PDE8B: variants seen among roughly 807,000 people sequenced by gnomAD.
The protein encoded by PDE8B is phosphodiesterase 8B, also known as high affinity cAMP-specific and IBMX-insensitive 3',5'-cyclic phosphodiesterase 8B.
Under a neutral mutation model 101.3 loss-of-function variants are expected in PDE8B, and 26 were observed. The observed-to-expected ratio is 0.26, with a 90% confidence interval of 0.19 to 0.36. The LOEUF (loss-of-function observed/expected upper bound fraction) is 0.36. PDE8B is among the 10% of genes least tolerant of loss of function. The pLI is 1.00. For missense variants in PDE8B, 810 were observed against 1,163.1 expected, an observed-to-expected ratio of 0.70 and a Z score of 4.42; for synonymous variants, 424 against 429.3, an observed-to-expected ratio of 0.99 and a Z score of 0.15.
chr5:77,293,795 A>G (rs1270198312), intron 1 of PDE8B, among the ~76,000 whole-genome samples: 1 of 152,194 alleles, frequency 6.6e-6, no homozygotes, highest in East Asian at 1.9e-4. Context: ...CCCTTCTACT[A>G]GGTGTGTTTT....
chr5:77,201,783 A>T, the PDE8B span, among the ~76,000 whole-genome samples: 7 of 152,020 alleles, frequency 4.6e-5, no homozygotes, highest in South Asian at 1.5e-3. Context: ...AATTCCATCT[A>T]CTCAATGTCT....
rs116503705 is a variant in PDE8B at position 77,227,029 on chromosome 5, A to G, written c.339+15765A>G. On this transcript the variant is annotated intron_variant, in intron 1 of 21. Transcript: ENST00000264917. ...GGCATTAACCCAGTCAGCACCCACA[A>G]AATGCCACAGGGGGCTCTGTATCAC... Among the ~76,000 whole-genome samples, 578 of 152,294 alleles carry G rather than the reference A, an allele frequency of 3.8e-3. 2 individuals are homozygous for G. Among genetic ancestry groups the G allele is most frequent in the African/African-American group, 0.013 (548 of 41,556 alleles).
chr5:77,301,481 A>G (rs1249866649), intron 1 of PDE8B, among the ~76,000 whole-genome samples: 1 of 152,202 alleles, frequency 6.6e-6, no homozygotes, highest in Non-Finnish European at 1.5e-5. Context: ...GGCATGCAGG[A>G]GGATGGAGGT....
rs183718918 is a variant in PDE8B at position 77,219,984 on chromosome 5, G to A, written c.339+8720G>A. ...CTCAGACACACACATGCATGCACGT[G>A]CACACACCTGCTCTAGGAAGTGTTG... On this transcript the variant is annotated intron_variant, in intron 1 of 21. Transcript: ENST00000264917. Among the ~76,000 whole-genome samples, 576 of 152,322 alleles carry A rather than the reference G, an allele frequency of 3.8e-3. 2 individuals carry two copies. Among genetic ancestry groups the A allele is most frequent in the African/African-American group, 0.013 (546 of 41,572 alleles).
chr5:77,374,424 T>A (rs560164012), intron 10 of PDE8B, among the ~76,000 whole-genome samples: 1 of 152,316 alleles, frequency 6.6e-6, no homozygotes, highest in South Asian at 2.1e-4. Context: ...TTTTTTGTTT[T>A]ATTTTTATTT....
chr5:77,401,362 T>A (rs751669128), intron 11 of PDE8B, among the ~76,000 whole-genome samples: 1 of 152,236 alleles, frequency 6.6e-6, no homozygotes, highest in Non-Finnish European at 1.5e-5. Context: ...TGCCACAAAT[T>A]GTTCCAAGCA....
the PDE8B span, among the ~76,000 whole-genome samples, chr5:77,128,955 A>G: frequency 6.6e-6 from 1 of 152,226 alleles, no homozygotes; most frequent in Non-Finnish European, 1.5e-5. Flanking sequence ...CAGACTTATT[A>G]ACGTCCTTCC....
chr5:77,263,392 G>T (rs763553304), intron 1 of PDE8B, among the ~76,000 whole-genome samples: 1 of 152,100 alleles, frequency 6.6e-6, no homozygotes, highest in Admixed American at 6.6e-5. Context: ...GGATCATATC[G>T]AAGTAAATAA....
chr5:77,333,167 C>A (rs4704406), intron 5 of PDE8B, among the ~76,000 whole-genome samples: 11 of 152,106 alleles, frequency 7.2e-5, no homozygotes, highest in African/African-American at 2.7e-4. Context: ...ATATTTTTCA[C>A]GCTCCTAACA....
chr5:77,425,949 ATTATC>A (rs1450971172), intron 21 of PDE8B, 53 bp downstream of exon 21: 9 of 1,549,892 alleles, frequency 5.8e-6, no homozygotes, highest in South Asian at 2.2e-5. Context: ...CTTTACGAAT[ATTATC>A]TTTAGTGACA....
the PDE8B span, among the ~76,000 whole-genome samples, chr5:77,150,574 G>A: frequency 6.6e-6 from 1 of 152,194 alleles, no homozygotes; most frequent in Non-Finnish European, 1.5e-5. Context: ...ACAGTCATTA[G>A]GAGAGTGAGA....
At chr5:77,398,318 CTTTTTTTTTT>C (rs70988672) in intron 10 of PDE8B, among the ~76,000 whole-genome samples, 19 of 115,978 alleles carry the variant, frequency 1.6e-4, no homozygotes, top group South Asian at 5.9e-4. Context: ...AGCTGTTTTA[CTTTTTTTTTT>C]TTTTTTTTTT....
At chr5:77,355,705 C>T (rs369520302) in intron 10 of PDE8B, among the ~76,000 whole-genome samples, 9 of 152,238 alleles carry the variant, frequency 5.9e-5, no homozygotes, top group African/African-American at 2.2e-4. Context: ...AACACCTGTT[C>T]TGTGCTGGCA....
At chr5:77,369,261 A>G (rs1206125357) in intron 10 of PDE8B, among the ~76,000 whole-genome samples, 2 of 151,734 alleles carry the variant, frequency 1.3e-5, no homozygotes, top group East Asian at 3.9e-4. Flanking sequence ...TGATCAAAAC[A>G]TTAACCAGAA....
At chr5:77,386,618 C>A (rs1485516289) in intron 10 of PDE8B, among the ~76,000 whole-genome samples, 2 of 151,936 alleles carry the variant, frequency 1.3e-5, no homozygotes, top group Non-Finnish European at 2.9e-5. Flanking sequence ...TTTTTGCTTT[C>A]CATTTGCTTG....
the PDE8B span, chr5:77,165,534 T>G: frequency 1.3e-5 from 2 of 152,124 alleles, no homozygotes; most frequent in African/African-American, 4.8e-5. Context: ...AGACAGACAA[T>G]AGGGCTTCTC....
chr5:77,090,619 T>C, the PDE8B span, among the ~76,000 whole-genome samples: 15 of 152,286 alleles, frequency 9.8e-5, no homozygotes, highest in African/African-American at 2.4e-4. Context: ...TTTCTAAGAT[T>C]CCACATATAT....
rs760176458 is a variant in PDE8B at position 77,425,745 on chromosome 5, A to G, written c.2419-22A>G. On this transcript the variant is annotated intron_variant, in intron 20 of 21. Coordinates refer to ENST00000264917, the MANE Select transcript of PDE8B (RefSeq NM_003719.5). ...AGTGTCTCGCATGTCCTCCAGCCCT[A>G]TGTGGTGGTTTTTTCTTACAGACTG... 3.7e-6 allele frequency: 6 copies of G among 1,612,306 alleles called. No individual in the cohort carries two copies. In the African/African-American group the frequency reaches 4.0e-5, roughly 11 times the overall value.
intron 1 of PDE8B, among the ~76,000 whole-genome samples, chr5:77,239,486 T>G (rs1755314335): frequency 6.6e-6 from 1 of 152,234 alleles, no homozygotes; most frequent in Non-Finnish European, 1.5e-5. Context: ...CTTCCTTGTT[T>G]GCAATCTCTT....
Sources: allele counts gnomAD v4.1 joint callset (sites outside exome capture counted in the v4.1 genomes callset), GRCh38; gene constraint gnomAD v4.1.1; transcripts MANE v1.5; gene names NCBI Gene and HGNC (gene_info 2026-07-23, HGNC 2026-07-21).